Variants in COX16 observed in about 807,000 individuals in gnomAD.
COX16 encodes the protein cytochrome c oxidase assembly protein COX16 homolog, mitochondrial.
COX16 carries 12 observed loss-of-function variants against 15.4 expected under a neutral mutation model. That is an observed-to-expected ratio of 0.78 (90% CI 0.50 to 1.26). The LOEUF (loss-of-function observed/expected upper bound fraction) is 1.26. Ranked by LOEUF, COX16 falls within the 50% of genes most tolerant of loss-of-function variation. The probability of loss-of-function intolerance (pLI) is 0.00; values close to 1 mark genes in which losing one functional copy is unlikely to be tolerated. For missense variants in COX16, 124 were observed against 127.6 expected (o/e 0.97, Z 0.14); for synonymous variants, 46 against 41.1 (o/e 1.12, Z -0.46).
rs1044175488 is a variant in COX16, at chr14:70,325,646, T to TTATC, written c.*683_*686dup. The TTATC allele has an allele frequency of 1.3e-5, 2 of 151,762 alleles. No individual in the cohort carries two copies. The highest frequency in any genetic ancestry group is 2.9e-5 in the Non-Finnish European group (2 of 68,000). The allele number at this position is 151,762 out of a possible 1,614,324, so 9.4% of individuals were successfully genotyped here. A position where few individuals can be genotyped will look rare whatever the true frequency, so the allele number is the denominator to read the frequency against. ...TTATGCTAAGGCATAATTTTTAGTA[T>TTATC]TATCTTAGTATTTCTCAAAATGTAG... On this transcript the variant is annotated 3_prime_UTR_variant, in exon 4 of 4. Transcript: ENST00000389912.
At chr14:70,338,251 T>C (rs753916945) in intron 2 of COX16, among the ~76,000 whole-genome samples, 1 of 152,206 alleles carries the variant, frequency 6.6e-6, no homozygotes, top group Non-Finnish European at 1.5e-5. Context: ...TAGCTGGGAC[T>C]GCGGGCACGC....
chr14:70,334,078 T>C (rs1886370857), intron 2 of COX16, among the ~76,000 whole-genome samples: 2 of 152,138 alleles, frequency 1.3e-5, no homozygotes, highest in African/African-American at 4.8e-5. Context: ...CCAAAAGAAA[T>C]GCTAAAGAGA....
chr14:70,340,598 ATTATTGT>A (rs1328318508), intron 2 of COX16, among the ~76,000 whole-genome samples: 1 of 152,160 alleles, frequency 6.6e-6, no homozygotes, highest in Non-Finnish European at 1.5e-5. Flanking sequence ...TTCAGGTTCC[ATTATTGT>A]TCATCTATGC....
chr14:70,342,142 A>ATTTC (rs1886643217), intron 2 of COX16, among the ~76,000 whole-genome samples: 1 of 152,204 alleles, frequency 6.6e-6, no homozygotes, highest in African/African-American at 2.4e-5. Context: ...AAATTTCCTA[A>ATTTC]TGAAATAAGA....
intron 1 of COX16, among the ~76,000 whole-genome samples, chr14:70,343,524 T>A (rs1886684427): frequency 6.6e-6 from 1 of 152,230 alleles, no homozygotes; most frequent in Non-Finnish European, 1.5e-5. Flanking sequence ...ATAAGGCAAT[T>A]GGAGTTCTCA....
At chr14:70,335,900 AAATT>A (rs1403137471) in intron 2 of COX16, among the ~76,000 whole-genome samples, 2 of 152,206 alleles carry the variant, frequency 1.3e-5, no homozygotes, top group East Asian at 1.9e-4. Context: ...AAAACAAAGA[AAATT>A]AATCAAAGGT....
At chr14:70,331,474 C>T (rs529720002) in intron 2 of COX16, among the ~76,000 whole-genome samples, 1 of 151,968 alleles carries the variant, frequency 6.6e-6, no homozygotes, top group Admixed American at 6.6e-5. Flanking sequence ...AGACACATCA[C>T]AAAAATGAAT....
chr14:70,341,717 T>C (rs907491753), intron 2 of COX16, among the ~76,000 whole-genome samples: 1 of 152,228 alleles, frequency 6.6e-6, no homozygotes, highest in African/African-American at 2.4e-5. Context: ...TAGCCCCAAC[T>C]TGCAATGTTT....
At chr14:70,335,756 C>G (rs1479614881) in intron 2 of COX16, among the ~76,000 whole-genome samples, 1 of 152,144 alleles carries the variant, frequency 6.6e-6, no homozygotes, top group Non-Finnish European at 1.5e-5. Flanking sequence ...TTCAAATTTA[C>G]TATCTGGCTC....
rs1230639115 is a variant in COX16, at chr14:70,357,158, C to CCAAAA, written c.69+2360_69+2361insTTTTG. Among the ~76,000 whole-genome samples the CCAAAA allele has an allele frequency of 2.7e-4, 21 of 78,704 alleles. 3 individuals carry two copies. The highest frequency in any genetic ancestry group is 9.7e-4 in the African/African-American group (20 of 20,710). 51.6% of individuals were successfully genotyped at this position (78,704 alleles called of 152,430 possible). On this transcript the variant is annotated intron_variant, in intron 1 of 3. Transcript: ENST00000389912. The stretch of plus-strand genomic sequence containing the variant: ...CAGACTTCTCCTAGGAAGCGTTTGT[C>CCAAAA]AAAAAAAAAAAAAAAAAAAAAAAAA...
chr14:70,329,028 T>C (rs779811265), intron 3 of COX16, 146 bp downstream of exon 3: 1 of 593,654 alleles, frequency 1.7e-6, no homozygotes, highest in Non-Finnish European at 2.5e-6. Context: ...TATGGATCCA[T>C]CTTTTTATTT....
intron 1 of COX16, among the ~76,000 whole-genome samples, chr14:70,351,679 T>C (rs1238221616): frequency 6.6e-6 from 1 of 152,210 alleles, no homozygotes; most frequent in Non-Finnish European, 1.5e-5. Context: ...TATGCAGCTA[T>C]AGTTAATTTT....
In COX16 at chr14:70,345,859, C is replaced by A. The variant is rs573750308; in HGVS notation, c.70-3130G>T. 7.2e-5 allele frequency among the ~76,000 whole-genome samples: 11 copies of A among 152,192 alleles called. No homozygotes were observed. The East Asian group carries it at 1.7e-3, about 24-fold the overall frequency. The stretch of plus-strand genomic sequence containing the variant: ...CCAACTGACTGCTATCCACCCCTCC[C>A]AACCCCTACCTTTTCCTCTCAACCA... On this transcript the variant is annotated intron_variant, in intron 1 of 3. Coordinates refer to ENST00000389912, the MANE Select transcript of COX16 (RefSeq NM_016468.7).
At position 70,326,153 on chromosome 14, in the gene COX16, C is replaced by T. The variant is rs555638912; in HGVS notation, c.*180G>A. 9.4e-5 allele frequency: 35 copies of T among 373,192 alleles called. No individual in the cohort carries two copies. Among genetic ancestry groups the T allele is most frequent in the African/African-American group, 6.9e-4 (33 of 47,700 alleles). 23.1% of individuals were successfully genotyped at this position (373,192 alleles called of 1,614,324 possible). ...TTACTTTCATCCACAGATGGAATAG[C>T]TGGGAAGTATAAAAACCTGTACATG... is the stretch of plus-strand genomic sequence containing the variant. On this transcript the variant is annotated 3_prime_UTR_variant, in exon 4 of 4. Coordinates refer to ENST00000389912, the MANE Select transcript of COX16 (RefSeq NM_016468.7).
At chr14:70,326,532 A>T in intron 3 of COX16, 83 bp from the exon 4 acceptor site, 1 of 1,015,888 alleles carries the variant, frequency 9.8e-7, no homozygotes, top group Non-Finnish European at 1.3e-6. Flanking sequence ...CTCAATGAAT[A>T]AATGAGTAGA....
At chr14:70,334,218 G>A (rs2140694958) in intron 2 of COX16, among the ~76,000 whole-genome samples, 1 of 152,224 alleles carries the variant, frequency 6.6e-6, no homozygotes, top group South Asian at 2.1e-4. Flanking sequence ...CTAAGAGATT[G>A]GCAATACAAA....
chr14:70,347,383 C>T (rs1187720021), intron 1 of COX16, among the ~76,000 whole-genome samples: 1 of 152,164 alleles, frequency 6.6e-6, no homozygotes, highest in Non-Finnish European at 1.5e-5. Context: ...CTGTTCTATA[C>T]CTAAAGGATG....
intron 1 of COX16, among the ~76,000 whole-genome samples, chr14:70,346,181 T>C (rs973958507): frequency 2.6e-5 from 4 of 152,168 alleles, no homozygotes; most frequent in African/African-American, 7.2e-5. Context: ...CCACCCCCGA[T>C]ATTCGGTGCA....
intron 2 of COX16, among the ~76,000 whole-genome samples, chr14:70,333,797 C>A (rs963565404): frequency 6.6e-6 from 1 of 152,160 alleles, no homozygotes; most frequent in Non-Finnish European, 1.5e-5. Flanking sequence ...ATCAAACTCT[C>A]AAACACCAAA....
Sources: allele counts gnomAD v4.1 joint callset (sites outside exome capture counted in the v4.1 genomes callset), GRCh38; gene constraint gnomAD v4.1.1; transcripts MANE v1.5; gene names NCBI Gene and HGNC (gene_info 2026-07-23, HGNC 2026-07-21).